The following RBFOX1 variants were observed in gnomAD, a reference collection of about 807,000 sequenced individuals.
RBFOX1 encodes the protein RNA binding protein fox-1 homolog 1.
Under a neutral mutation model 57.7 loss-of-function variants are expected in RBFOX1, and 8 were observed. The ratio of observed to expected loss-of-function variants is 0.14; its 90% CI spans 0.08 to 0.25. The LOEUF (loss-of-function observed/expected upper bound fraction) is 0.25. RBFOX1 is among the 10% of genes least tolerant of loss of function. The probability of loss-of-function intolerance (pLI) is 1.00; values close to 1 mark genes in which losing one functional copy is unlikely to be tolerated. For missense variants in RBFOX1, 611 were observed against 548.5 expected (o/e 1.11, Z -1.14); for synonymous variants, 326 against 222.4 (o/e 1.47, Z -4.15).
chr16:6,343,886 G>A (rs923531180), intron 2 of RBFOX1, among the ~76,000 whole-genome samples: 10 of 152,154 alleles, frequency 6.6e-5, no homozygotes, highest in Non-Finnish European at 1.5e-4. Context: ...CATCCCCTGA[G>A]AATTAAAGAT....
chr16:5,665,571 A>T (rs895843869), intron 3 of RBFOX1, among the ~76,000 whole-genome samples: 1 of 152,238 alleles, frequency 6.6e-6, no homozygotes, highest in African/African-American at 2.4e-5. Flanking sequence ...CCACAGGGGC[A>T]GGGACCTTTG....
At chr16:6,934,608 C>G (rs143352105) in intron 3 of RBFOX1, among the ~76,000 whole-genome samples, 5 of 152,268 alleles carry the variant, frequency 3.3e-5, no homozygotes, top group Admixed American at 1.3e-4. Flanking sequence ...ACAGATGGAA[C>G]TGGAGGTCAT....
At chr16:6,699,851 C>G (rs1455362993) in intron 3 of RBFOX1, among the ~76,000 whole-genome samples, 1 of 152,094 alleles carries the variant, frequency 6.6e-6, no homozygotes, top group African/African-American at 2.4e-5. Flanking sequence ...AATGAGGGGT[C>G]TGGGCACTAA....
chr16:6,556,282 G>C (rs1054201693), intron 2 of RBFOX1, among the ~76,000 whole-genome samples: 1 of 152,154 alleles, frequency 6.6e-6, no homozygotes, highest in African/African-American at 2.4e-5. Flanking sequence ...TTGTCAGTCA[G>C]GGGGAGATTT....
At chr16:6,070,986 C>A (rs544642324) in intron 1 of RBFOX1, among the ~76,000 whole-genome samples, 7 of 152,054 alleles carry the variant, frequency 4.6e-5, no homozygotes, top group Admixed American at 1.3e-4. Context: ...TTTTCTATAC[C>A]CTAGTCACTA....
At chr16:5,483,558 A>G (rs1778531044) in intron 2 of RBFOX1, among the ~76,000 whole-genome samples, 1 of 152,194 alleles carries the variant, frequency 6.6e-6, no homozygotes, top group Non-Finnish European at 1.5e-5. Flanking sequence ...CAGCCACCGT[A>G]GCTGTCAGGC....
chr16:6,234,237 C>G (rs550192839), intron 1 of RBFOX1, among the ~76,000 whole-genome samples: 73 of 152,304 alleles, frequency 4.8e-4, no homozygotes, highest in African/African-American at 1.7e-3. Flanking sequence ...TATTTATTCT[C>G]AAAATTCCTG....
At position 7,144,460 on chromosome 16, in the gene RBFOX1, T is replaced by A. The variant is rs2127069; in HGVS notation, c.27+92362T>A. ...TTTTGAGTCAGGGCCCCTCTGTTGT[T>A]CTGGCTGGAGTGCAGTGGTGGCACA... On this transcript the variant is annotated intron_variant, in intron 4 of 15. Coordinates refer to ENST00000550418, the MANE Select transcript of RBFOX1 (RefSeq NM_018723.4). Among the ~76,000 whole-genome samples, 765 of 145,218 alleles carry A rather than the reference T, an allele frequency of 5.3e-3. 10 individuals carry two copies. The highest frequency in any genetic ancestry group is 0.019 in the African/African-American group (742 of 39,416).
At chr16:6,012,401 G>T (rs1029375909) in intron 4 of RBFOX1, among the ~76,000 whole-genome samples, 9 of 152,160 alleles carry the variant, frequency 5.9e-5, no homozygotes, top group African/African-American at 2.2e-4. Flanking sequence ...TTAGAACAGT[G>T]GTTCCTACCT....
rs75090370 is a variant in RBFOX1 at position 6,193,056 on chromosome 16, A to G, written c.-126-123939A>G. ...TTGTTCCATGAAGAAATGTATAATT[A>G]AAGCAGTTTGTGACGTACCTCCCGA... is the stretch of plus-strand genomic sequence containing the variant. On this transcript the variant is annotated intron_variant, in intron 1 of 15. Transcript: ENST00000550418. Among the ~76,000 whole-genome samples the G allele has an allele frequency of 7.4e-3, 1,125 of 152,220 alleles. 14 individuals carry two copies. Among genetic ancestry groups the G allele is most frequent in the African/African-American group, 0.025 (1,058 of 41,536 alleles).
At position 7,259,465 on chromosome 16, in the gene RBFOX1, C is replaced by G. The variant is rs529619793; in HGVS notation, c.27+207367C>G. 4.6e-5 allele frequency among the ~76,000 whole-genome samples: 7 copies of G among 151,896 alleles called. No individual in the cohort carries two copies. The South Asian group carries it at 1.5e-3, about 32-fold the overall frequency. ...GTTCATGCCATTGCATAAAATATTG[C>G]AGCCATTTGCATTTAATGGTGATAC... On this transcript the variant is annotated intron_variant, in intron 4 of 15. Coordinates refer to ENST00000550418, the MANE Select transcript of RBFOX1 (RefSeq NM_018723.4).
chr16:7,465,545 T>G (rs550222522), intron 4 of RBFOX1, among the ~76,000 whole-genome samples: 1 of 152,356 alleles, frequency 6.6e-6, no homozygotes, highest in Non-Finnish European at 1.5e-5. Flanking sequence ...CCTGCCAGGC[T>G]ATTTGTGTCA....
chr16:5,686,395 T>G (rs2050505811), intron 3 of RBFOX1, among the ~76,000 whole-genome samples: 1 of 152,196 alleles, frequency 6.6e-6, no homozygotes, highest in Non-Finnish European at 1.5e-5. Context: ...CATTATTTTT[T>G]GAGAATAGAA....
intron 1 of RBFOX1, among the ~76,000 whole-genome samples, chr16:6,238,061 A>T (rs1284001954): frequency 6.8e-6 from 1 of 147,106 alleles, no homozygotes; most frequent in African/African-American, 2.5e-5. Context: ...ACTGTACTCC[A>T]GTCTGGGTGA....
chr16:7,513,935 C>T (rs1305087098), intron 4 of RBFOX1, among the ~76,000 whole-genome samples: 1 of 152,220 alleles, frequency 6.6e-6, no homozygotes, highest in African/African-American at 2.4e-5. Flanking sequence ...TATTGCCAGT[C>T]TCCAAGTCTA....
intron 3 of RBFOX1, among the ~76,000 whole-genome samples, chr16:7,015,085 G>A (rs1251979543): frequency 6.6e-6 from 1 of 152,142 alleles, no homozygotes; most frequent in African/African-American, 2.4e-5. Context: ...CTTGCATTAT[G>A]GAATAGCATA....
intron 2 of RBFOX1, among the ~76,000 whole-genome samples, chr16:6,380,800 A>G (rs1466518770): frequency 6.6e-6 from 1 of 152,140 alleles, no homozygotes; most frequent in South Asian, 2.1e-4. Flanking sequence ...TCTGTTGCAC[A>G]TTCCTCACCA....
intron 4 of RBFOX1, among the ~76,000 whole-genome samples, chr16:5,899,144 CA>C (rs35163906): frequency 0.2 from 19,991 of 100,068 alleles, 1,108 homozygotes; most frequent in African/African-American, 0.27. Flanking sequence ...GACCCTGTCT[CA>C]AAAAAAAAAA....
At chr16:7,401,084 A>G (rs781538720) in intron 4 of RBFOX1, among the ~76,000 whole-genome samples, 5 of 152,236 alleles carry the variant, frequency 3.3e-5, no homozygotes, top group African/African-American at 4.8e-5. Context: ...CAAGACATCC[A>G]GGAGAATTTG....
Sources: allele counts gnomAD v4.1 joint callset (sites outside exome capture counted in the v4.1 genomes callset), GRCh38; gene constraint gnomAD v4.1.1; transcripts MANE v1.5; gene names NCBI Gene and HGNC (gene_info 2026-07-23, HGNC 2026-07-21).